NTM: variants seen among roughly 807,000 people sequenced by gnomAD.
NTM encodes the protein IgLON family member 2.
In NTM, 13 loss-of-function variants were observed where a neutral mutation model predicts 42.1. The ratio of observed to expected loss-of-function variants is 0.31; its 90% CI spans 0.20 to 0.49. The LOEUF (loss-of-function observed/expected upper bound fraction) is 0.49, where lower values mean the gene tolerates loss of function less well. Ranked by LOEUF, NTM falls within the 20% of genes least tolerant of loss-of-function variation. The pLI, the probability that NTM is intolerant of heterozygous loss-of-function variation, is 0.99. For missense variants in NTM, 373 were observed against 452.8 expected, an observed-to-expected ratio of 0.82 and a Z score of 1.60; for synonymous variants, 187 against 179.2, an observed-to-expected ratio of 1.04 and a Z score of -0.35.
chr11:132,001,651 G>C (rs1364361285), intron 2 of NTM, among the ~76,000 whole-genome samples: 1 of 152,206 alleles, frequency 6.6e-6, no homozygotes, highest in Non-Finnish European at 1.5e-5. Context: ...AAGCTCTGAG[G>C]GATCTCCCCC....
At chr11:131,602,063 A>G (rs2060533973) in intron 1 of NTM, among the ~76,000 whole-genome samples, 1 of 152,154 alleles carries the variant, frequency 6.6e-6, no homozygotes, top group Non-Finnish European at 1.5e-5. Context: ...ATATCTCTCT[A>G]GTTTATTTTT....
intron 1 of NTM, among the ~76,000 whole-genome samples, chr11:131,858,965 C>T (rs11824230): frequency 0.094 from 14,271 of 152,234 alleles, 781 homozygotes; most frequent in Middle Eastern, 0.13. Context: ...AATTCATTCT[C>T]AGCCTGGAAA....
rs146376216 is a variant in NTM, at chr11:132,002,648, A to T, written c.167+91000A>T. 6.6e-5 allele frequency among the ~76,000 whole-genome samples: 10 copies of T among 152,244 alleles called. No individual in the cohort carries two copies. The highest frequency in any genetic ancestry group is 2.2e-4 in the African/African-American group (9 of 41,548). On this transcript the variant is annotated intron_variant, in intron 2 of 8. Coordinates refer to ENST00000683400, the MANE Select transcript of NTM (RefSeq NM_001352005.2). The surrounding 1 kb of genome is among the most constrained non-coding windows in gnomAD (Gnocchi z 4.5). ...TTTTGTTTTTTCTTTTTCTCTTAGT[A>T]TCCATGCTTCTCCTGAATCATTCCT...
At chr11:132,232,036 G>A (rs1234130053) in intron 4 of NTM, among the ~76,000 whole-genome samples, 1 of 152,186 alleles carries the variant, frequency 6.6e-6, no homozygotes, top group African/African-American at 2.4e-5. Flanking sequence ...GTTCACAGCA[G>A]TGTCTCTTTC....
rs374898205 is a variant in NTM, at chr11:132,023,184, A to G, written c.167+111536A>G. ...ACGTGCTGCCGCCTGGGCATGTTATATCTCATGGGGGACTGTGGGACATTA... is the reference window on the plus strand; with the variant it reads ...ACGTGCTGCCGCCTGGGCATGTTATGTCTCATGGGGGACTGTGGGACATTA... On this transcript the variant is annotated intron_variant, in intron 2 of 8. Transcript: ENST00000683400. 1.6e-4 allele frequency among the ~76,000 whole-genome samples: 24 copies of G among 152,328 alleles called. 1 individual carries two copies. In the East Asian group the frequency reaches 4.1e-3, roughly 26 times the overall value.
At chr11:131,831,879 G>A (rs373878008) in intron 1 of NTM, among the ~76,000 whole-genome samples, 3 of 149,742 alleles carry the variant, frequency 2.0e-5, no homozygotes, top group Admixed American at 6.7e-5. Context: ...AGCATAAAAG[G>A]TCCCAAAATT....
At chr11:131,749,282 T>C (rs1448498620) in intron 1 of NTM, among the ~76,000 whole-genome samples, 1 of 152,194 alleles carries the variant, frequency 6.6e-6, no homozygotes, top group East Asian at 1.9e-4. Flanking sequence ...TGAAGATGTA[T>C]AAGCCACACT....
chr11:131,705,876 A>G (rs866798172), intron 1 of NTM, among the ~76,000 whole-genome samples: 1 of 152,122 alleles, frequency 6.6e-6, no homozygotes, highest in South Asian at 2.1e-4. Flanking sequence ...AAAGCATACT[A>G]TTACTACAAA....
At chr11:131,989,654 C>T (rs2066666701) in intron 2 of NTM, among the ~76,000 whole-genome samples, 1 of 151,940 alleles carries the variant, frequency 6.6e-6, no homozygotes, top group African/African-American at 2.4e-5. Flanking sequence ...ATAACAAATG[C>T]TCCCAATATT....
intron 2 of NTM, among the ~76,000 whole-genome samples, chr11:132,134,755 A>ATATATATC (rs2067538628): frequency 1.4e-4 from 11 of 80,196 alleles, no homozygotes; most frequent in South Asian, 4.4e-4. Context: ...ATATATATAT[A>ATATATATC]TATATCTCAC....
chr11:131,886,978 A>G (rs2050511104), intron 1 of NTM, among the ~76,000 whole-genome samples: 2 of 152,068 alleles, frequency 1.3e-5, no homozygotes, highest in South Asian at 4.1e-4. Context: ...CTCATTTTAC[A>G]CCTTGTCTAA....
At position 132,132,068 on chromosome 11, in the gene NTM, A is replaced by G. The variant is rs568578864; in HGVS notation, c.168-14214A>G. Among the ~76,000 whole-genome samples, 73 of 152,258 alleles carry G rather than the reference A, an allele frequency of 4.8e-4. 1 individual carries two copies. In the South Asian group the frequency reaches 0.013, roughly 28 times the overall value. On this transcript the variant is annotated intron_variant, in intron 2 of 8. Coordinates refer to ENST00000683400, the MANE Select transcript of NTM (RefSeq NM_001352005.2). Reference sequence around the variant, plus strand: ...TTATTTGCCCAGTGTTGGTTGAAGGAAATTACTTTGGAATGAACCAGCTGA... The same window carrying G: ...TTATTTGCCCAGTGTTGGTTGAAGGGAATTACTTTGGAATGAACCAGCTGA...
chr11:132,203,360 G>C (rs1394411630), intron 3 of NTM, among the ~76,000 whole-genome samples: 1 of 152,136 alleles, frequency 6.6e-6, no homozygotes, highest in Non-Finnish European at 1.5e-5. Flanking sequence ...ATTTTAATCT[G>C]ATCCACAGAA....
intron 1 of NTM, among the ~76,000 whole-genome samples, chr11:131,745,358 G>T (rs927331775): frequency 1.3e-5 from 2 of 152,182 alleles, no homozygotes; most frequent in African/African-American, 2.4e-5. Context: ...ACTGGGGAGG[G>T]TTATCAAAAC....
chr11:131,509,110 C>T (rs887326381), intron 1 of NTM, among the ~76,000 whole-genome samples: 1 of 151,916 alleles, frequency 6.6e-6, no homozygotes, highest in African/African-American at 2.4e-5. Context: ...ATTTTTAAAC[C>T]CCATTTGTCC....
chr11:131,680,429 C>G (rs2072292746), intron 1 of NTM, among the ~76,000 whole-genome samples: 4 of 140,576 alleles, frequency 2.8e-5, no homozygotes, highest in Admixed American at 1.4e-4. Flanking sequence ...GCCTCTGTGT[C>G]TGTGTGTGAG....
intron 1 of NTM, among the ~76,000 whole-genome samples, chr11:131,406,885 C>T (rs1945865927): frequency 6.6e-6 from 1 of 151,804 alleles, no homozygotes; most frequent in African/African-American, 2.4e-5. Flanking sequence ...AATGTACATG[C>T]ATAAGTAACT....
intron 2 of NTM, among the ~76,000 whole-genome samples, chr11:132,136,505 C>G (rs915648184): frequency 4.6e-5 from 7 of 152,168 alleles, no homozygotes; most frequent in Non-Finnish European, 8.8e-5. Flanking sequence ...TGGTTGTGAA[C>G]CAGATTCCTT....
intron 1 of NTM, among the ~76,000 whole-genome samples, chr11:131,424,602 T>TTC (rs1555108127): frequency 7.8e-6 from 1 of 129,028 alleles, no homozygotes; most frequent in Non-Finnish European, 1.6e-5. Context: ...TTTCTTTTCT[T>TTC]TTTTTTTTTT....
Sources: allele counts gnomAD v4.1 joint callset (sites outside exome capture counted in the v4.1 genomes callset), GRCh38; gene constraint gnomAD v4.1.1; non-coding constraint Gnocchi (gnomAD v3.1); transcripts MANE v1.5; gene names NCBI Gene and HGNC (gene_info 2026-07-23, HGNC 2026-07-21).